The following TACC2 variants were observed in gnomAD, a reference collection of about 807,000 sequenced individuals.
The protein encoded by TACC2 is transforming acidic coiled-coil-containing protein 2.
Under a neutral mutation model 227.3 loss-of-function variants are expected in TACC2, and 137 were observed. The observed-to-expected ratio is 0.60, with a 90% CI of 0.52 to 0.69. TACC2 has a LOEUF of 0.69. TACC2 is among the 30% of genes least tolerant of loss of function. The pLI, the probability that TACC2 is intolerant of heterozygous loss-of-function variation, is 0.00. For missense variants in TACC2, 3,470 were observed against 3,694.4 expected (o/e 0.94, Z 1.57); for synonymous variants, 1,523 against 1,487.5 (o/e 1.02, Z -0.55).
chr10:122,143,555 C>T lies in TACC2; in HGVS notation c.5700-17C>T. 6 of 1,612,532 alleles carry T rather than the reference C, an allele frequency of 3.7e-6. No individual in the cohort carries two copies. Among genetic ancestry groups the T allele is most frequent in the Non-Finnish European group, 5.1e-6 (6 of 1,179,114 alleles). On this transcript the variant is annotated splice_polypyrimidine_tract_variant and intron_variant, in intron 6 of 22. Coordinates refer to ENST00000369005, the MANE Select transcript of TACC2 (RefSeq NM_206862.4). ...AGCCCAGCACCATGTGGAATAATTC[C>T]CTCATTGTGTCCCCAGCATCTCCCC...
At chr10:122,110,617 C>T (rs1294398075) in intron 5 of TACC2, among the ~76,000 whole-genome samples, 2 of 152,128 alleles carry the variant, frequency 1.3e-5, no homozygotes, top group South Asian at 2.1e-4. Flanking sequence ...ACAGAGGTGC[C>T]GAGGTCAGCC....
chr10:122,027,111 C>T (rs2135671217), intron 2 of TACC2, among the ~76,000 whole-genome samples: 1 of 152,262 alleles, frequency 6.6e-6, no homozygotes, highest in East Asian at 1.9e-4. Context: ...CATATCCTCC[C>T]CAGCATTTGG....
At chr10:122,013,669 A>C (rs944636335) in intron 1 of TACC2, among the ~76,000 whole-genome samples, 4 of 152,216 alleles carry the variant, frequency 2.6e-5, no homozygotes, top group African/African-American at 9.6e-5. Context: ...CCACTGACAC[A>C]GAACCCGACT....
At chr10:122,036,500 C>CTTT (rs372264940) in intron 2 of TACC2, among the ~76,000 whole-genome samples, 5 of 132,074 alleles carry the variant, frequency 3.8e-5, no homozygotes, top group Admixed American at 7.9e-5. Context: ...GCAATCCATT[C>CTTT]TTTTTTTTTT....
At position 122,085,846 on chromosome 10, in the gene TACC2, A is replaced by C. The variant is rs1254677297; in HGVS notation, c.3346A>C (p.Ser1116Arg). 1 of 1,612,928 alleles carries C rather than the reference A, an allele frequency of 6.2e-7. No individual in the cohort carries two copies. Among genetic ancestry groups the C allele is most frequent in the East Asian group, 2.2e-5 (1 of 44,874 alleles). The change falls in exon 4 of 23, where the codon AGT (serine) becomes CGT (arginine). Residue 1116 changes from serine (S) to arginine (R), a missense_variant. By Grantham distance (110) the Ser-to-Arg change is moderately radical. This residue lies in a region of TACC2 where 1,924 missense variants were observed against 1,978.3 expected (regional missense o/e 0.97). Transcript: ENST00000369005. ...SDAESPKLLA[S>R]FPSAGEQGGE... is the part of the protein sequence containing the mutation. ...TGCAGAGTCCCCAAAGCTTCTTGCA[A>C]GTTTCCCATCAGCTGGGGAGCAAGG...
At chr10:122,215,652 G>T (rs2095389273) in intron 10 of TACC2, among the ~76,000 whole-genome samples, 1 of 152,148 alleles carries the variant, frequency 6.6e-6, no homozygotes, top group African/African-American at 2.4e-5. Context: ...TGTGTCCCGA[G>T]AGTGGGAAGA....
intron 22 of TACC2, among the ~76,000 whole-genome samples, chr10:122,253,168 T>C (rs1158040952): frequency 6.6e-6 from 1 of 152,162 alleles, no homozygotes; most frequent in Non-Finnish European, 1.5e-5. Flanking sequence ...TGATCTTCCA[T>C]GGGAATCTCA....
intron 6 of TACC2, among the ~76,000 whole-genome samples, chr10:122,133,654 C>G (rs1249616427): frequency 6.6e-6 from 1 of 152,198 alleles, no homozygotes; most frequent in Admixed American, 6.5e-5. Context: ...GATGCTGTCC[C>G]TTCCCTCCTG....
chr10:122,090,550 A>AAAAAAAAAAAAAG, intron 5 of TACC2, among the ~76,000 whole-genome samples: 2 of 141,514 alleles, frequency 1.4e-5, no homozygotes, highest in Non-Finnish European at 3.2e-5. Flanking sequence ...CTATCTCAAA[A>AAAAAAAAAAAAAG]AAAAAAAAAA....
At chr10:122,076,944 A>G (rs879638928) in intron 3 of TACC2, among the ~76,000 whole-genome samples, 5 of 151,880 alleles carry the variant, frequency 3.3e-5, no homozygotes, top group Non-Finnish European at 7.4e-5. Flanking sequence ...ACAAAACCCT[A>G]TCTCTACTAA....
chr10:122,149,917 G>A (rs1430901548), intron 7 of TACC2, among the ~76,000 whole-genome samples: 1 of 152,222 alleles, frequency 6.6e-6, no homozygotes, highest in Non-Finnish European at 1.5e-5. Flanking sequence ...ACTACGCTGA[G>A]CCACGTCACC....
At chr10:122,076,385 G>A (rs1365450473) in intron 3 of TACC2, among the ~76,000 whole-genome samples, 2 of 152,082 alleles carry the variant, frequency 1.3e-5, no homozygotes, top group African/African-American at 4.8e-5. Flanking sequence ...TTAAGTTTGG[G>A]GATTAAGTTT....
intron 1 of TACC2, among the ~76,000 whole-genome samples, chr10:121,993,310 A>G (rs1343026355): frequency 1.6e-4 from 25 of 152,234 alleles, no homozygotes; most frequent in Admixed American, 1.6e-3. Context: ...CACTCTGAAT[A>G]CTAGAATAAT....
chr10:122,166,636 C>G (rs1229132604), intron 7 of TACC2, among the ~76,000 whole-genome samples: 3 of 152,202 alleles, frequency 2.0e-5, no homozygotes, highest in Admixed American at 6.5e-5. Flanking sequence ...CCAGCTGAAT[C>G]AGAATCTCCA....
chr10:122,226,216 C>G, intron 12 of TACC2, 150 bp from the exon 13 acceptor site: 1 of 615,584 alleles, frequency 1.6e-6, no homozygotes, highest in Non-Finnish European at 2.9e-6. Context: ...CCAGGCCCCA[C>G]TTCCTCCTCT....
At chr10:122,208,245 A>G (rs933406989) in intron 8 of TACC2, among the ~76,000 whole-genome samples, 8 of 152,188 alleles carry the variant, frequency 5.3e-5, no homozygotes, top group Non-Finnish European at 1.0e-4. Flanking sequence ...TGTGCTTCCA[A>G]ATGATGCTTT....
At position 122,226,446 on chromosome 10, in the gene TACC2, C is replaced by T. The variant is rs373168589; in HGVS notation, c.7689C>T (p.Pro2563=). ...TSQESPVKSS[P]VRMSESPTPC... ...AGGAGAGCCCTGTCAAGTCATCTCC[C>T]GTCCGCATGTCAGAGTCCCCGACGC... The change falls in exon 13 of 23, where the codon CCC becomes CCT. Residue 2563 remains proline (P), a synonymous_variant. Transcript: ENST00000369005. 27 of 1,613,810 alleles carry T rather than the reference C, an allele frequency of 1.7e-5. No homozygotes were observed. The highest frequency in any genetic ancestry group is 1.6e-4 in the Middle Eastern group (1 of 6,082).
rs1392544523 is a variant in TACC2, at chr10:122,082,695, T to C, written c.195T>C (p.Ser65=). ...GCTTCTGCACCGCTTCTGAGAGTTCTGCCAGCCTGGATCCATGCCTTGTGT... is the reference window on the plus strand; with the variant it reads ...GCTTCTGCACCGCTTCTGAGAGTTCCGCCAGCCTGGATCCATGCCTTGTGT... ...LGGFCTASES[S]ASLDPCLVSP... is the part of the protein sequence containing the mutation. The change falls in exon 4 of 23, where the codon TCT becomes TCC. Residue 65 remains serine (S), a synonymous_variant. Coordinates refer to ENST00000369005, the MANE Select transcript of TACC2 (RefSeq NM_206862.4). 1.2e-6 allele frequency: 2 copies of C among 1,614,024 alleles called. No homozygotes were observed. The highest frequency in any genetic ancestry group is 1.3e-5 in the African/African-American group (1 of 75,034).
chr10:122,036,528 C>T (rs1314961783), intron 2 of TACC2, among the ~76,000 whole-genome samples: 6 of 142,626 alleles, frequency 4.2e-5, no homozygotes, highest in East Asian at 4.1e-4. Flanking sequence ...AAGACAGAGT[C>T]TCGCTCTGTT....
Sources: allele counts gnomAD v4.1 joint callset (sites outside exome capture counted in the v4.1 genomes callset), GRCh38; gene constraint gnomAD v4.1.1; regional missense constraint gnomAD v4.1.1; transcripts MANE v1.5; gene names NCBI Gene and HGNC (gene_info 2026-07-23, HGNC 2026-07-21).